The following IGF1R variants were observed in gnomAD, a reference collection of about 807,000 sequenced individuals.
IGF1R encodes insulin like growth factor 1 receptor.
In IGF1R, 44 loss-of-function variants were observed where a neutral mutation model predicts 144.6. That is an observed-to-expected ratio of 0.30 (90% CI 0.24 to 0.39). The LOEUF (loss-of-function observed/expected upper bound fraction) is 0.39. Ranked by LOEUF, IGF1R falls within the 10% of genes least tolerant of loss-of-function variation. IGF1R has a pLI of 1.00. For missense variants in IGF1R, 1,355 were observed against 1,833.7 expected (o/e 0.74, Z 4.77); for synonymous variants, 795 against 722.8 (o/e 1.10, Z -1.60).
chr15:98,671,760 G>A (rs994902969), intron 1 of IGF1R, among the ~76,000 whole-genome samples: 2 of 152,018 alleles, frequency 1.3e-5, no homozygotes, highest in Non-Finnish European at 2.9e-5. Flanking sequence ...TTTCTCTTTT[G>A]CTTAAAAGTG....
chr15:98,675,943 A>G (rs1196586947), intron 1 of IGF1R, among the ~76,000 whole-genome samples: 1 of 147,954 alleles, frequency 6.8e-6, no homozygotes, highest in Non-Finnish European at 1.5e-5. Flanking sequence ...CTACTGCCTC[A>G]GCCTCTTAAG....
chr15:98,737,468 T>TA (rs1437339196), intron 2 of IGF1R, among the ~76,000 whole-genome samples: 1 of 152,132 alleles, frequency 6.6e-6, no homozygotes, highest in African/African-American at 2.4e-5. Flanking sequence ...GAGCTAGAAA[T>TA]ACTGTTTTGG....
At chr15:98,868,369 T>TG (rs1179910852) in intron 2 of IGF1R, among the ~76,000 whole-genome samples, 41 of 89,898 alleles carry the variant, frequency 4.6e-4, no homozygotes, top group Non-Finnish European at 6.7e-4. Context: ...GTTTTTTTTT[T>TG]TGGGGGGGGG....
Position 98,761,237 on chromosome 15 carries a change from C to T in IGF1R, c.640+53130C>T, listed in dbSNP as rs547583956. Among the ~76,000 whole-genome samples the T allele has an allele frequency of 2.6e-5, 4 of 152,338 alleles. No individual in the cohort carries two copies. In the South Asian group the frequency reaches 6.2e-4, roughly 24 times the overall value. On this transcript the variant is annotated intron_variant, in intron 2 of 20. Coordinates refer to ENST00000650285, the MANE Select transcript of IGF1R (RefSeq NM_000875.5). ...CACATCTGTTGTTGGCTGGCGTTGT[C>T]TCTGATGGCTTGGGGTGTCACAGAG...
Position 98,963,348 on chromosome 15 carries a change from A to G in IGF1R, c.*5906A>G, listed in dbSNP as rs570350967. 1 of 233,512 alleles carries G rather than the reference A, an allele frequency of 4.3e-6. No homozygotes were observed. Among genetic ancestry groups the G allele is most frequent in the Admixed American group, 5.6e-5 (1 of 17,780 alleles). The allele number at this position is 233,512 out of a possible 1,614,324, so 14.5% of individuals were successfully genotyped here. On this transcript the variant is annotated 3_prime_UTR_variant, in exon 21 of 21. Transcript: ENST00000650285. ...TTTTTGCCCTAGTTTATAACAAAGG[A>G]ATGATGATGATTTAAAAAGTAGTTC...
At chr15:98,858,919 A>T (rs371262736) in intron 2 of IGF1R, among the ~76,000 whole-genome samples, 15 of 152,248 alleles carry the variant, frequency 9.9e-5, no homozygotes, top group African/African-American at 3.6e-4. Flanking sequence ...TTAAGGGAGG[A>T]AGGCCAGTAA....
intron 2 of IGF1R, among the ~76,000 whole-genome samples, chr15:98,881,857 C>T (rs1012096374): frequency 3.3e-5 from 5 of 152,094 alleles, no homozygotes; most frequent in African/African-American, 1.2e-4. Context: ...ATGTGAGATG[C>T]TTAATGTGTT....
rs948825108 is a variant in IGF1R at position 98,704,448 on chromosome 15, G to A, written c.95-3114G>A. On this transcript the variant is annotated intron_variant, in intron 1 of 20. Transcript: ENST00000650285. The surrounding 1 kb of genome is among the most constrained non-coding windows in gnomAD (Gnocchi z 4.9). ...GGTGTGTTGGAGGTTGGTGAGTCCC[G>A]TGGAGTCTTGTCAGATGGTGTTGGG... Among the ~76,000 whole-genome samples, 12 of 152,106 alleles carry A rather than the reference G, an allele frequency of 7.9e-5. No individual in the cohort carries two copies. Among genetic ancestry groups the A allele is most frequent in the African/African-American group, 2.7e-4 (11 of 41,426 alleles).
chr15:98,763,532 C>T (rs2055359700), intron 2 of IGF1R, among the ~76,000 whole-genome samples: 1 of 151,794 alleles, frequency 6.6e-6, no homozygotes, highest in Non-Finnish European at 1.5e-5. Context: ...CCTTGTTCAC[C>T]TCCCCACCCA....
chr15:98,706,858 CTG>C (rs2053876517), intron 1 of IGF1R, among the ~76,000 whole-genome samples: 2 of 149,708 alleles, frequency 1.3e-5, no homozygotes, highest in African/African-American at 2.5e-5. Context: ...CCTCTAAACT[CTG>C]TAGGAAGCAT....
chr15:98,658,583 TC>T (rs1227572417), intron 1 of IGF1R, among the ~76,000 whole-genome samples: 3 of 152,238 alleles, frequency 2.0e-5, no homozygotes, highest in African/African-American at 7.2e-5. Flanking sequence ...ATCATAACTT[TC>T]AAAAGGCAGC....
intron 3 of IGF1R, among the ~76,000 whole-genome samples, chr15:98,895,727 G>A (rs1362861756): frequency 6.6e-6 from 1 of 152,126 alleles, no homozygotes; most frequent in Non-Finnish European, 1.5e-5. Flanking sequence ...ATGGGTAGGG[G>A]GAAGGGACAT....
chr15:98,824,984 G>A (rs529219995), intron 2 of IGF1R, among the ~76,000 whole-genome samples: 4 of 151,976 alleles, frequency 2.6e-5, no homozygotes, highest in South Asian at 2.1e-4. Flanking sequence ...TTACAGGCAC[G>A]CGCCATCACA....
At chr15:98,889,988 T>A (rs556250493) in intron 2 of IGF1R, among the ~76,000 whole-genome samples, 1 of 152,308 alleles carries the variant, frequency 6.6e-6, no homozygotes, top group African/African-American at 2.4e-5. Flanking sequence ...GCCCACAGAG[T>A]GTGATCACGA....
rs71149408 is a variant in IGF1R at position 98,674,977 on chromosome 15, A to ATTTTTTTTTTTTTTTTTTTTT, written c.94+25306_94+25326dup. Among the ~76,000 whole-genome samples the ATTTTTTTTTTTTTTTTTTTTT allele has an allele frequency of 3.5e-4, 35 of 98,906 alleles. 1 individual carries two copies. Among genetic ancestry groups the ATTTTTTTTTTTTTTTTTTTTT allele is most frequent in the African/African-American group, 1.5e-3 (35 of 23,982 alleles). The allele number at this position is 98,906 out of a possible 152,430, so 64.9% of individuals were successfully genotyped here. On this transcript the variant is annotated intron_variant, in intron 1 of 20. Transcript: ENST00000650285. Reference sequence around the variant, plus strand: ...AAATGCTAAATTTAGGTATTTTACAATTTTTTTTTTTTTTTTTTTTTTTTG... The same window carrying ATTTTTTTTTTTTTTTTTTTTT: ...AAATGCTAAATTTAGGTATTTTACAATTTTTTTTTTTTTTTTTTTTTTTTTTTTTTTTTTTTTTTTTTTTTG...
intron 2 of IGF1R, among the ~76,000 whole-genome samples, chr15:98,724,985 G>A (rs2054324960): frequency 6.6e-6 from 1 of 152,230 alleles, no homozygotes; most frequent in South Asian, 2.1e-4. Context: ...TGAGTTGGAA[G>A]GAAACTTAAG....
In IGF1R at chr15:98,704,634, C is replaced by T. The variant is rs1413429215; in HGVS notation, c.95-2928C>T. Among the ~76,000 whole-genome samples the T allele has an allele frequency of 6.6e-6, 1 of 152,128 alleles. No homozygotes were observed. Among genetic ancestry groups the T allele is most frequent in the African/African-American group, 2.4e-5 (1 of 41,412 alleles). The stretch of plus-strand genomic sequence containing the variant: ...TCTGCGTGTGTCCCATGTCATGTGT[C>T]CGCTGCACACCAAGTACTGTTTTAG... On this transcript the variant is annotated intron_variant, in intron 1 of 20. Coordinates refer to ENST00000650285, the MANE Select transcript of IGF1R (RefSeq NM_000875.5). This position sits in a 1 kb window ranked among gnomAD's most constrained non-coding sequence, Gnocchi z 4.9.
At chr15:98,737,642 C>G (rs2054641621) in intron 2 of IGF1R, among the ~76,000 whole-genome samples, 1 of 152,132 alleles carries the variant, frequency 6.6e-6, no homozygotes, top group Non-Finnish European at 1.5e-5. Context: ...TTTTTCTTCT[C>G]CCTCTTTGCC....
rs2151742724 is a variant in IGF1R, at chr15:98,959,629, G to A, written c.*2187G>A. ...CAGGAATCCAGGTCCTTGGGGCCCA[G>A]GGGTCTTGTCTTGTTTCATTTTTAG... On this transcript the variant is annotated 3_prime_UTR_variant, in exon 21 of 21. Transcript: ENST00000650285. 4.3e-6 allele frequency: 1 copy of A among 233,632 alleles called. No homozygotes were observed. Among genetic ancestry groups the A allele is most frequent in the Non-Finnish European group, 8.5e-6 (1 of 117,972 alleles). The allele number at this position is 233,632 out of a possible 1,614,324, so 14.5% of individuals were successfully genotyped here. A position where few individuals can be genotyped will look rare whatever the true frequency, so the allele number is the denominator to read the frequency against.
Sources: allele counts gnomAD v4.1 joint callset (sites outside exome capture counted in the v4.1 genomes callset), GRCh38; gene constraint gnomAD v4.1.1; non-coding constraint Gnocchi (gnomAD v3.1); transcripts MANE v1.5; gene names NCBI Gene and HGNC (gene_info 2026-07-23, HGNC 2026-07-21).